Variants in HDAC4 observed in about 807,000 individuals in gnomAD.
HDAC4 encodes the protein histone deacetylase A.
Under a neutral mutation model 135.1 loss-of-function variants are expected in HDAC4, and 16 were observed. That is an observed-to-expected ratio of 0.12 (90% CI 0.08 to 0.18). The LOEUF is 0.18. Ranked by LOEUF, HDAC4 falls within the 10% of genes least tolerant of loss-of-function variation. HDAC4 has a pLI of 1.00. For synonymous variants in HDAC4, 685 were observed against 653.4 expected (o/e 1.05, Z -0.74); for missense variants, 1,143 against 1,511.8 (o/e 0.76, Z 4.05).
intron 20 of HDAC4, 67 bp downstream of exon 20, chr2:239,084,088 G>A (rs574384152): frequency 1.8e-5 from 20 of 1,100,512 alleles, no homozygotes; most frequent in Admixed American, 1.7e-4. Flanking sequence ...CTGTCCACAC[G>A]CTGCTGTCCG....
intron 1 of HDAC4, among the ~76,000 whole-genome samples, chr2:239,394,643 A>G (rs548826996): frequency 6.6e-6 from 1 of 152,368 alleles, no homozygotes; most frequent in East Asian, 1.9e-4. Context: ...AGGACCAAGA[A>G]GTTCCCAGAT....
intron 13 of HDAC4, among the ~76,000 whole-genome samples, chr2:239,112,685 C>T (rs1219702009): frequency 6.6e-6 from 1 of 152,212 alleles, no homozygotes; most frequent in Admixed American, 6.5e-5. Context: ...GCTGCCAAGC[C>T]TCTCCCCAGA....
rs924983569 is a variant in HDAC4 at position 239,165,822 on chromosome 2, T to C, written c.491-1899A>G. 1.1e-4 allele frequency among the ~76,000 whole-genome samples: 17 copies of C among 152,248 alleles called. 1 individual carries two copies. Among genetic ancestry groups the C allele is most frequent in the Admixed American group, 1.1e-3 (17 of 15,290 alleles). Reference sequence around the variant, plus strand: ...GTTTTTATAAAGTCTATTTTAGTTTTTCCTTTGTGAGTTTTCCCTTTCCTT... The same window carrying C: ...GTTTTTATAAAGTCTATTTTAGTTTCTCCTTTGTGAGTTTTCCCTTTCCTT... On this transcript the variant is annotated intron_variant, in intron 5 of 26. Coordinates refer to ENST00000543185, the MANE Select transcript of HDAC4 (RefSeq NM_001378414.1).
intron 2 of HDAC4, among the ~76,000 whole-genome samples, chr2:239,335,712 C>T (rs144795308): frequency 1.3e-5 from 2 of 152,106 alleles, no homozygotes; most frequent in Non-Finnish European, 2.9e-5. Context: ...GGTCAATAAA[C>T]GTATGAAAAG....
At chr2:239,401,490 C>T (rs1696994051), upstream of HDAC4, 1 of 175,872 alleles carries the variant, frequency 5.7e-6, no homozygotes, top group Admixed American at 6.5e-5. Context: ...AAACACGGGC[C>T]CCGGCCGTGT....
chr2:239,182,947 G>T (rs565087268), intron 4 of HDAC4, among the ~76,000 whole-genome samples: 1 of 152,152 alleles, frequency 6.6e-6, no homozygotes, highest in African/African-American at 2.4e-5. Context: ...TTCAGGCTTC[G>T]AAAAACAGGA....
intron 2 of HDAC4, among the ~76,000 whole-genome samples, chr2:239,246,984 T>G (rs1238062004): frequency 6.6e-6 from 1 of 151,746 alleles, no homozygotes; most frequent in Non-Finnish European, 1.5e-5. Context: ...GTGGGAGGAG[T>G]CACACACAAC....
rs1691537268 is a variant in HDAC4 at position 239,331,053 on chromosome 2, G to C, written c.22+21625C>G. On this transcript the variant is annotated intron_variant, in intron 2 of 26. Coordinates refer to ENST00000543185, the MANE Select transcript of HDAC4 (RefSeq NM_001378414.1). The surrounding 1 kb of genome is among the most constrained non-coding windows in gnomAD (Gnocchi z 4.5). Reference sequence around the variant, plus strand: ...TTGGCTGCCCGAAATTCGGAGTGGGGAGGAAGGCAGATATGCCTGAATACA... The same window carrying C: ...TTGGCTGCCCGAAATTCGGAGTGGGCAGGAAGGCAGATATGCCTGAATACA... Among the ~76,000 whole-genome samples, 1 of 146,488 alleles carries C rather than the reference G, an allele frequency of 6.8e-6. No individual in the cohort carries two copies. The highest frequency in any genetic ancestry group is 1.5e-5 in the Non-Finnish European group (1 of 68,028).
rs140456823 is a variant in HDAC4, at chr2:239,377,139, C to T, written c.-220+23839G>A. Among the ~76,000 whole-genome samples the T allele has an allele frequency of 8.0e-4, 122 of 152,252 alleles. 2 individuals are homozygous for T. The East Asian group carries it at 0.017, about 21-fold the overall frequency. ...GTCCTCCCAAAGCCGGGGTGGGCTG[C>T]GCTCCTCTATGGCAGCCCAAAGGCT... On this transcript the variant is annotated intron_variant, in intron 1 of 26. Transcript: ENST00000543185.
At chr2:239,098,514 T>A (rs1029530291) in intron 16 of HDAC4, among the ~76,000 whole-genome samples, 2 of 152,232 alleles carry the variant, frequency 1.3e-5, no homozygotes, top group Admixed American at 1.3e-4. Flanking sequence ...TCTGCCCGGA[T>A]GCAGCACCCT....
rs2052976693 is a variant in HDAC4, at chr2:239,313,337, G to T, written c.22+39341C>A. Among the ~76,000 whole-genome samples, 1 of 152,128 alleles carries T rather than the reference G, an allele frequency of 6.6e-6. No homozygotes were observed. The highest frequency in any genetic ancestry group is 2.4e-5 in the African/African-American group (1 of 41,442). On this transcript the variant is annotated intron_variant, in intron 2 of 26. Transcript: ENST00000543185. This position sits in a 1 kb window ranked among gnomAD's most constrained non-coding sequence, Gnocchi z 5.1. The stretch of plus-strand genomic sequence containing the variant: ...GCAGCCAGGGACTAATTTTAGAAGG[G>T]GCTTTGAGGAGAAACCCAAGGGACA...
chr2:239,106,553 G>A (rs1348055223), intron 15 of HDAC4, among the ~76,000 whole-genome samples: 2 of 152,178 alleles, frequency 1.3e-5, no homozygotes, highest in African/African-American at 4.8e-5. Flanking sequence ...GGTGCCAAGA[G>A]CCTCTACAGT....
At chr2:239,304,133 C>T (rs1218392431) in intron 2 of HDAC4, among the ~76,000 whole-genome samples, 2 of 152,246 alleles carry the variant, frequency 1.3e-5, no homozygotes, top group African/African-American at 2.4e-5. Context: ...AGTCAGCTTT[C>T]TTACCTATAA....
intron 1 of HDAC4, among the ~76,000 whole-genome samples, chr2:239,391,373 A>T (rs1003528093): frequency 6.6e-6 from 1 of 152,176 alleles, no homozygotes. Context: ...CCACACCACG[A>T]CCTGCTGCAG....
chr2:239,149,230 G>T (rs2041954150), intron 7 of HDAC4, among the ~76,000 whole-genome samples: 1 of 151,916 alleles, frequency 6.6e-6, no homozygotes, highest in South Asian at 2.1e-4. Flanking sequence ...GGTGAAACCC[G>T]TCTCTACTAA....
At chr2:239,264,128 G>T (rs1389753274) in intron 2 of HDAC4, among the ~76,000 whole-genome samples, 1 of 152,226 alleles carries the variant, frequency 6.6e-6, no homozygotes, top group African/African-American at 2.4e-5. Context: ...CTCGTGGGGA[G>T]ACGGGCTCTG....
intron 1 of HDAC4, among the ~76,000 whole-genome samples, chr2:239,374,160 G>A (rs537804271): frequency 6.6e-6 from 1 of 152,238 alleles, no homozygotes; most frequent in African/African-American, 2.4e-5. Flanking sequence ...AGCAGGGCCT[G>A]GAACTTCAGC....
intron 2 of HDAC4, among the ~76,000 whole-genome samples, chr2:239,288,040 A>G (rs914914481): frequency 4.0e-5 from 6 of 151,202 alleles, no homozygotes; most frequent in African/African-American, 1.2e-4. Context: ...ATTAATTCTA[A>G]TCTTAAATAA....
intron 22 of HDAC4, among the ~76,000 whole-genome samples, chr2:239,080,272 A>C (rs955885557): frequency 6.6e-6 from 1 of 152,238 alleles, no homozygotes; most frequent in African/African-American, 2.4e-5. Context: ...GGAGACAGAG[A>C]AAGAGAAAAG....
Sources: gnomAD v4.1 joint callset for allele counts (sites outside exome capture counted in the v4.1 genomes callset) on GRCh38, gnomAD v4.1.1 for gene constraint, Gnocchi (gnomAD v3.1) non-coding constraint, MANE v1.5 for transcripts, NCBI Gene and HGNC (gene_info 2026-07-23, HGNC 2026-07-21) for gene names.